The following TTC9C variants were observed in gnomAD, a reference collection of about 807,000 sequenced individuals.
TTC9C encodes tetratricopeptide repeat protein 9C.
A neutral mutation model predicts 22.5 loss-of-function variants in TTC9C; 15 were observed. The observed-to-expected ratio is 0.67, with a 90% confidence interval of 0.45 to 1.03. The LOEUF is 1.03. Among genes scored for constraint, TTC9C ranks in the 50% least tolerant of loss-of-function variants. TTC9C has a pLI of 0.00. For synonymous variants in TTC9C, 92 were observed against 86.8 expected (o/e 1.06, Z -0.33); for missense variants, 244 against 214.6 (o/e 1.14, Z -0.86).
chr11:62,735,220 G>C (rs1042795303), intron 1 of TTC9C, among the ~76,000 whole-genome samples, 162 bp from the exon 2 acceptor site: 2 of 152,160 alleles, frequency 1.3e-5, no homozygotes, highest in Non-Finnish European at 2.9e-5. Flanking sequence ...ATTCACTGCT[G>C]CATCCCCAGT....
chr11:62,735,159 G>T (rs1376038646), intron 1 of TTC9C, among the ~76,000 whole-genome samples: 1 of 152,196 alleles, frequency 6.6e-6, no homozygotes. Flanking sequence ...CTCCCAAAGT[G>T]CTGGGATTAC....
At chr11:62,736,394 A>T (rs1341850077) in intron 2 of TTC9C, among the ~76,000 whole-genome samples, 3 of 151,840 alleles carry the variant, frequency 2.0e-5, no homozygotes, top group African/African-American at 7.3e-5. Flanking sequence ...AAATAAAAAT[A>T]CAAAAATCAG....
intron 1 of TTC9C, among the ~76,000 whole-genome samples, chr11:62,730,169 G>A (rs974792641): frequency 5.3e-5 from 8 of 151,886 alleles, no homozygotes; most frequent in Non-Finnish European, 1.2e-4. Context: ...TCCTCCTCCC[G>A]GGTTCAGGCG....
At chr11:62,736,695 G>GA (rs562358754) in intron 2 of TTC9C, among the ~76,000 whole-genome samples, 23,982 of 135,536 alleles carry the variant, frequency 0.18, 2,134 homozygotes, top group Non-Finnish European at 0.23. Flanking sequence ...CTCCGTCTCG[G>GA]AAAAAAAAAA....
rs747485098 is a variant in TTC9C at position 62,728,722 on chromosome 11, T to G, written c.-127T>G. 17 of 905,506 alleles carry G rather than the reference T, an allele frequency of 1.9e-5. No individual in the cohort carries two copies. In the African/African-American group the frequency reaches 2.3e-4, roughly 12 times the overall value. The allele number at this position is 905,506 out of a possible 1,614,324, so 56.1% of individuals were successfully genotyped here. A position where few individuals can be genotyped will look rare whatever the true frequency, so the allele number is the denominator to read the frequency against. ...AAACCGCAGGTCCCTGTGGGGGGAC[T>G]CTCCAGGAAGAAGGGTAATTTCCTG... On this transcript the variant is annotated 5_prime_UTR_variant, in exon 1 of 3. Coordinates refer to ENST00000316461, the MANE Select transcript of TTC9C (RefSeq NM_173810.4).
At chr11:62,728,213 C>T (rs1417877912), upstream of TTC9C, 1 of 307,880 alleles carries the variant, frequency 3.2e-6, no homozygotes, top group East Asian at 9.2e-5. Flanking sequence ...AAACCGAAGC[C>T]CAGGAGACTT....
intron 1 of TTC9C, among the ~76,000 whole-genome samples, chr11:62,732,962 T>G (rs577243036): frequency 2.7e-5 from 4 of 149,268 alleles, no homozygotes; most frequent in Non-Finnish European, 5.9e-5. Context: ...GTTTCTTCTG[T>G]ATTCCTCCAC....
At position 62,728,490 on chromosome 11, in the gene TTC9C, T is replaced by TC; in HGVS notation, c.-356dup. ...TCCAATAGAAAGGCGGAAGCCAGTG[T>TC]CCCAGGCGTTCTCACGCCCGCAACA... On this transcript the variant is annotated 5_prime_UTR_variant, in exon 1 of 3. Transcript: ENST00000316461. The TC allele has an allele frequency of 2.1e-6, 1 of 478,550 alleles. No individual in the cohort carries two copies. The highest frequency in any genetic ancestry group is 4.1e-6 in the Non-Finnish European group (1 of 241,968). 29.6% of individuals were successfully genotyped at this position (478,550 alleles called of 1,614,324 possible).
At position 62,735,265 on chromosome 11, in the gene TTC9C, T is replaced by C. The variant is rs755722651; in HGVS notation, c.239-117T>C. 19 of 1,361,730 alleles carry C rather than the reference T, an allele frequency of 1.4e-5. No homozygotes were observed. In the East Asian group the frequency reaches 1.7e-4, roughly 12 times the overall value. 84.4% of individuals were successfully genotyped at this position (1,361,730 alleles called of 1,614,324 possible). ...AGTGTCTGGCATATGGGAGACACTTTAGCATTTGTTGACTGAATGTTGTTA... is the reference window on the plus strand; with the variant it reads ...AGTGTCTGGCATATGGGAGACACTTCAGCATTTGTTGACTGAATGTTGTTA... On this transcript the variant is annotated intron_variant, in intron 1 of 2. Transcript: ENST00000316461.
chr11:62,735,575 A>C lies in TTC9C; in HGVS notation c.421+11A>C. 1 of 1,594,994 alleles carries C rather than the reference A, an allele frequency of 6.3e-7. No homozygotes were observed. The highest frequency in any genetic ancestry group is 8.6e-7 in the Non-Finnish European group (1 of 1,168,170). ...ATAGGCAGCCTAAAGGTAAGCAAGA[A>C]GGGCTTTGAAATGGTAAAGACAAAA... On this transcript the variant is annotated intron_variant, in intron 2 of 2. Coordinates refer to ENST00000316461, the MANE Select transcript of TTC9C (RefSeq NM_173810.4).
rs1214835345 is a variant in TTC9C at position 62,736,868 on chromosome 11, C to T, written c.421+1304C>T. On this transcript the variant is annotated intron_variant, in intron 2 of 2. Coordinates refer to ENST00000316461, the MANE Select transcript of TTC9C (RefSeq NM_173810.4). ...GACTCCATCCCAAAAAAAAAAAAAG[C>T]GAGTGTCGTTTTTCAAGTTCTGTTC... Among the ~76,000 whole-genome samples the T allele has an allele frequency of 6.1e-5, 9 of 147,906 alleles. 1 individual carries two copies. Among genetic ancestry groups the T allele is most frequent in the African/African-American group, 2.2e-4 (9 of 40,386 alleles).
chr11:62,729,569 ATTTTTTTT>A (rs1204345239), intron 1 of TTC9C, among the ~76,000 whole-genome samples: 2 of 113,586 alleles, frequency 1.8e-5, no homozygotes, highest in Non-Finnish European at 3.5e-5. Flanking sequence ...CGCCCAGCTA[ATTTTTTTT>A]TTTTTTTTTT....
At chr11:62,735,977 T>A (rs1411632912) in intron 2 of TTC9C, 1 of 152,140 alleles carries the variant, frequency 6.6e-6, no homozygotes, top group Non-Finnish European at 1.5e-5. Flanking sequence ...GTGGCTCACA[T>A]CTGTTATCTC....
At chr11:62,728,267 C>T, upstream of TTC9C, 2 of 339,068 alleles carry the variant, frequency 5.9e-6, no homozygotes, top group South Asian at 2.3e-5. Context: ...GGTCACGGCG[C>T]CGGGTGGGCT....
chr11:62,729,398 TTTTATTTTA>T (rs1395653561), intron 1 of TTC9C, among the ~76,000 whole-genome samples: 8 of 139,194 alleles, frequency 5.7e-5, no homozygotes, highest in African/African-American at 1.8e-4. Flanking sequence ...TTTTATTTTA[TTTTATTTTA>T]TTTTTTTTTG....
At chr11:62,737,623 T>C (rs2083927063) in intron 2 of TTC9C, among the ~76,000 whole-genome samples, 1 of 152,196 alleles carries the variant, frequency 6.6e-6, no homozygotes, top group Non-Finnish European at 1.5e-5. Flanking sequence ...ATATAAGCCA[T>C]TTGTTCATGT....
chr11:62,734,250 A>G (rs537761367), intron 1 of TTC9C, among the ~76,000 whole-genome samples: 1 of 151,594 alleles, frequency 6.6e-6, no homozygotes, highest in South Asian at 2.1e-4. Flanking sequence ...GTGAGCTGAG[A>G]TCGCGCCATT....
chr11:62,736,400 A>G (rs1482601116), intron 2 of TTC9C, among the ~76,000 whole-genome samples: 1 of 151,066 alleles, frequency 6.6e-6, no homozygotes, highest in Non-Finnish European at 1.5e-5. Flanking sequence ...AAATACAAAA[A>G]TCAGCCGGGT....
chr11:62,733,275 G>A (rs2083873363), intron 1 of TTC9C: 1 of 759,154 alleles, frequency 1.3e-6, no homozygotes, highest in Non-Finnish European at 1.7e-6. Context: ...TGAGAATGAT[G>A]ATTTTGGAGT....
Sources: gnomAD v4.1 joint callset for allele counts (sites outside exome capture counted in the v4.1 genomes callset) on GRCh38, gnomAD v4.1.1 for gene constraint, MANE v1.5 for transcripts, NCBI Gene and HGNC (gene_info 2026-07-23, HGNC 2026-07-21) for gene names.